MGAT4C: variants seen among roughly 807,000 people sequenced by gnomAD.
MGAT4C encodes the protein MGAT4 family member C, also known as alpha-1,3-mannosyl-glycoprotein 4-beta-N-acetylglucosaminyltransferase C.
Under a neutral mutation model 40.1 loss-of-function variants are expected in MGAT4C, and 19 were observed. That is an observed-to-expected ratio of 0.47 (90% confidence interval 0.33 to 0.70). The LOEUF (loss-of-function observed/expected upper bound fraction) is 0.70, where lower values mean the gene tolerates loss of function less well. Ranked by LOEUF, MGAT4C falls within the 30% of genes least tolerant of loss-of-function variation. The pLI is 0.02. For synonymous variants in MGAT4C, 181 were observed against 187.1 expected, an observed-to-expected ratio of 0.97 and a Z score of 0.27; for missense variants, 491 against 563.2, an observed-to-expected ratio of 0.87 and a Z score of 1.30.
At chr12:86,268,664 C>CATATAT (rs35503864) in intron 4 of MGAT4C, among the ~76,000 whole-genome samples, 7,639 of 143,686 alleles carry the variant, frequency 0.053, 536 homozygotes, top group East Asian at 0.23. Flanking sequence ...ATATTAACTA[C>CATATAT]ATATATATAT....
chr12:86,585,978 T>C (rs1466673517), intron 2 of MGAT4C, among the ~76,000 whole-genome samples: 4 of 151,172 alleles, frequency 2.6e-5, no homozygotes, highest in Non-Finnish European at 5.9e-5. Flanking sequence ...ACTTTAAGTT[T>C]TAGGGTACAT....
At chr12:86,375,045 G>C (rs1230472897) in intron 3 of MGAT4C, among the ~76,000 whole-genome samples, 1 of 152,028 alleles carries the variant, frequency 6.6e-6, no homozygotes, top group Non-Finnish European at 1.5e-5. Context: ...CCTACTGTCA[G>C]AATATTCCCC....
chr12:86,603,801 ATT>A (rs1371334883), intron 2 of MGAT4C, among the ~76,000 whole-genome samples: 1 of 3,378 alleles, frequency 3.0e-4, no homozygotes, highest in African/African-American at 3.4e-4. Context: ...TAGTATATAT[ATT>A]ATATAGTATA....
intron 2 of MGAT4C, among the ~76,000 whole-genome samples, chr12:86,607,432 T>TA (rs1385694573): frequency 3.9e-5 from 6 of 152,148 alleles, no homozygotes; most frequent in Admixed American, 1.3e-4. Context: ...TACTCCTGTA[T>TA]AAAAAATGTA....
At chr12:86,663,794 GT>G (rs925521574) in intron 2 of MGAT4C, among the ~76,000 whole-genome samples, 1 of 152,052 alleles carries the variant, frequency 6.6e-6, no homozygotes, top group Non-Finnish European at 1.5e-5. Context: ...AAGGTTTTTA[GT>G]TTTTTTGAGT....
At chr12:86,706,717 A>G (rs1950465962) in intron 2 of MGAT4C, among the ~76,000 whole-genome samples, 1 of 152,184 alleles carries the variant, frequency 6.6e-6, no homozygotes, top group African/African-American at 2.4e-5. Flanking sequence ...AAATGGCACA[A>G]GGGAAAAACA....
chr12:86,214,042 C>T (rs1341516557), intron 1 of MGAT4C, among the ~76,000 whole-genome samples: 1 of 152,118 alleles, frequency 6.6e-6, no homozygotes, highest in Non-Finnish European at 1.5e-5. Flanking sequence ...TAAAGTATAC[C>T]ACTCTTCTAT....
At chr12:86,608,899 A>G (rs1962143687) in intron 2 of MGAT4C, among the ~76,000 whole-genome samples, 1 of 152,112 alleles carries the variant, frequency 6.6e-6, no homozygotes, top group Admixed American at 6.6e-5. Flanking sequence ...TTCACACTGT[A>G]TTTTATATTT....
intron 4 of MGAT4C, among the ~76,000 whole-genome samples, chr12:86,267,567 GCTGT>G (rs1003907954): frequency 6.9e-4 from 105 of 152,184 alleles, no homozygotes; most frequent in African/African-American, 2.2e-3. Context: ...ATAGTTCAGA[GCTGT>G]CTTTTTAATT....
chr12:86,126,906 C>CG (rs562008523), intron 1 of MGAT4C, among the ~76,000 whole-genome samples: 559 of 152,130 alleles, frequency 3.7e-3, no homozygotes, highest in African/African-American at 0.013. Flanking sequence ...CAGTATAAAG[C>CG]GGGGATGGTT....
intron 3 of MGAT4C, among the ~76,000 whole-genome samples, chr12:86,359,656 A>G (rs1172552109): frequency 2.0e-5 from 3 of 152,078 alleles, no homozygotes; most frequent in African/African-American, 7.2e-5. Flanking sequence ...GATATCACCA[A>G]CAATCCCACA....
intron 2 of MGAT4C, among the ~76,000 whole-genome samples, chr12:86,630,283 T>C (rs12810846): frequency 2.0e-5 from 3 of 151,882 alleles, no homozygotes; most frequent in Non-Finnish European, 2.9e-5. Flanking sequence ...CCAAAAAAAG[T>C]CCAGGACCAG....
chr12:86,466,380 G>A (rs1002453068), intron 2 of MGAT4C, among the ~76,000 whole-genome samples: 1 of 152,156 alleles, frequency 6.6e-6, no homozygotes, highest in Non-Finnish European at 1.5e-5. Flanking sequence ...GAGCTATCAA[G>A]TTATGAAAAG....
In MGAT4C at chr12:86,125,771, A is replaced by G. The variant is rs1004871151; in HGVS notation, c.-56-76048T>C. Among the ~76,000 whole-genome samples the G allele has an allele frequency of 9.2e-5, 14 of 152,332 alleles. No homozygotes were observed. The Middle Eastern group carries it at 0.01, about 111-fold the overall frequency. On this transcript the variant is annotated intron_variant, in intron 1 of 4. Coordinates refer to ENST00000611864, the MANE Select transcript of MGAT4C (RefSeq NM_001351288.2). The stretch of plus-strand genomic sequence containing the variant: ...ATAAACTAAAATCTTGAAATGTGAA[A>G]GGTTTAATGGAGACAGAAAAAGTAA...
intron 1 of MGAT4C, among the ~76,000 whole-genome samples, chr12:86,083,259 T>C (rs1871175709): frequency 6.6e-6 from 1 of 152,078 alleles, no homozygotes; most frequent in African/African-American, 2.4e-5. Flanking sequence ...CCTTCTCATC[T>C]GAAATAATTA....
At chr12:86,274,255 C>G (rs1377383053) in intron 4 of MGAT4C, among the ~76,000 whole-genome samples, 2 of 152,144 alleles carry the variant, frequency 1.3e-5, no homozygotes, top group African/African-American at 2.4e-5. Flanking sequence ...TTACTTCCTA[C>G]CAGGTTCCAC....
upstream of MGAT4C, among the ~76,000 whole-genome samples, chr12:86,256,578 G>A (rs1407139573): frequency 6.6e-6 from 1 of 152,064 alleles, no homozygotes; most frequent in Admixed American, 6.6e-5. Context: ...GTAATGTTGA[G>A]CTCCTGGGGG....
chr12:86,062,822 G>GA (rs1322780321), intron 1 of MGAT4C, among the ~76,000 whole-genome samples: 2 of 151,864 alleles, frequency 1.3e-5, no homozygotes, highest in African/African-American at 2.4e-5. Context: ...CAAGTTTGGA[G>GA]AAAAAAGAAT....
intron 1 of MGAT4C, among the ~76,000 whole-genome samples, chr12:86,790,936 C>G (rs1380738299): frequency 6.6e-6 from 1 of 152,100 alleles, no homozygotes; most frequent in Admixed American, 6.6e-5. Flanking sequence ...AAAAAAAGCA[C>G]TGTATAACCA....
Sources: gnomAD v4.1 joint callset for allele counts (sites outside exome capture counted in the v4.1 genomes callset) on GRCh38, gnomAD v4.1.1 for gene constraint, MANE v1.5 for transcripts, NCBI Gene and HGNC (gene_info 2026-07-23, HGNC 2026-07-21) for gene names.